The following STX8 variants were observed in gnomAD, a reference collection of about 807,000 sequenced individuals.
The protein encoded by STX8 is syntaxin 8.
In STX8, 23 loss-of-function variants were observed where a neutral mutation model predicts 37.5. That is an observed-to-expected ratio of 0.61 (90% CI 0.44 to 0.87). The LOEUF is 0.87. STX8 is among the 40% of genes least tolerant of loss of function. The pLI is 0.00. For synonymous variants in STX8, 115 were observed against 99.1 expected (o/e 1.16, Z -0.95); for missense variants, 313 against 284.7 (o/e 1.10, Z -0.71).
intron 5 of STX8, among the ~76,000 whole-genome samples, chr17:9,492,632 T>C (rs1906903437): frequency 6.6e-6 from 1 of 152,184 alleles, no homozygotes; most frequent in African/African-American, 2.4e-5. Flanking sequence ...CAGCAACAAA[T>C]TCCCTCTTTT....
intron 7 of STX8, among the ~76,000 whole-genome samples, chr17:9,360,316 C>T (rs975879769): frequency 6.8e-5 from 10 of 147,876 alleles, no homozygotes; most frequent in Admixed American, 4.7e-4. Flanking sequence ...CTCACTGCAA[C>T]CTCTGCCTCC....
chr17:9,310,357 T>G (rs141085391), intron 7 of STX8, among the ~76,000 whole-genome samples: 2,484 of 152,290 alleles, frequency 0.016, 26 homozygotes, highest in Non-Finnish European at 0.024. Flanking sequence ...ACGCGAGGAA[T>G]TGCTAACTCT....
chr17:9,268,284 C>CAA (rs112954356), intron 7 of STX8, among the ~76,000 whole-genome samples: 2 of 69,180 alleles, frequency 2.9e-5, no homozygotes, highest in African/African-American at 5.5e-5. Flanking sequence ...GGAGTAAGAA[C>CAA]AAAAAAAAAA....
intron 6 of STX8, among the ~76,000 whole-genome samples, chr17:9,432,922 GT>G (rs1662774386): frequency 6.6e-6 from 1 of 152,200 alleles, no homozygotes; most frequent in Non-Finnish European, 1.5e-5. Flanking sequence ...CTCAGGTGCA[GT>G]TTAGAACATT....
chr17:9,461,772 A>G (rs562944135), intron 6 of STX8, among the ~76,000 whole-genome samples: 78 of 152,274 alleles, frequency 5.1e-4, no homozygotes, highest in African/African-American at 1.7e-3. Flanking sequence ...ATATAATGAA[A>G]TAATTCTACA....
At chr17:9,340,019 G>A (rs1004267576) in intron 7 of STX8, among the ~76,000 whole-genome samples, 10 of 152,188 alleles carry the variant, frequency 6.6e-5, no homozygotes, top group Admixed American at 3.9e-4. Flanking sequence ...TAAGGCTGAC[G>A]CAACCGCGGG....
intron 1 of STX8, among the ~76,000 whole-genome samples, 187 bp from the exon 2 acceptor site, chr17:9,568,657 T>C (rs1907558986): frequency 6.6e-6 from 1 of 152,134 alleles, no homozygotes; most frequent in Non-Finnish European, 1.5e-5. Flanking sequence ...CCCGCTATCA[T>C]GCCTGGCTAA....
At chr17:9,532,224 G>A (rs569435563) in intron 4 of STX8, among the ~76,000 whole-genome samples, 1 of 151,768 alleles carries the variant, frequency 6.6e-6, no homozygotes, top group African/African-American at 2.4e-5. Context: ...AATCAGTCTT[G>A]TGAGAACATA....
chr17:9,540,110 T>C (rs1906216782), intron 4 of STX8, among the ~76,000 whole-genome samples: 1 of 152,112 alleles, frequency 6.6e-6, no homozygotes, highest in Non-Finnish European at 1.5e-5. Context: ...AATAATACTC[T>C]TACATAGGCA....
chr17:9,468,040 C>T (rs1444798949), intron 6 of STX8, among the ~76,000 whole-genome samples: 2 of 152,148 alleles, frequency 1.3e-5, no homozygotes, highest in African/African-American at 4.8e-5. Flanking sequence ...CACAATATTA[C>T]ACATTTTAAA....
chr17:9,461,957 T>C (rs1332329750), intron 6 of STX8, among the ~76,000 whole-genome samples: 5 of 152,190 alleles, frequency 3.3e-5, no homozygotes, highest in African/African-American at 1.2e-4. Flanking sequence ...CACGCTCCTA[T>C]GAGAATCTAA....
At chr17:9,255,481 T>C (rs919540695) in intron 7 of STX8, among the ~76,000 whole-genome samples, 2 of 151,796 alleles carry the variant, frequency 1.3e-5, no homozygotes, top group African/African-American at 4.8e-5. Flanking sequence ...GAACTGAGAT[T>C]GTGCCACTGC....
chr17:9,293,330 G>T (rs138475420), intron 7 of STX8, among the ~76,000 whole-genome samples: 1 of 152,264 alleles, frequency 6.6e-6, no homozygotes, highest in Non-Finnish European at 1.5e-5. Context: ...CAATGGAGCT[G>T]GATTCCAATC....
chr17:9,388,660 G>A (rs995269911), intron 6 of STX8, among the ~76,000 whole-genome samples: 5 of 151,562 alleles, frequency 3.3e-5, no homozygotes, highest in African/African-American at 9.7e-5. Context: ...AAAATCAGCC[G>A]GGTGTGGTGG....
chr17:9,335,849 T>A (rs10701240), intron 7 of STX8, among the ~76,000 whole-genome samples: 7,951 of 38,342 alleles, frequency 0.21, 818 homozygotes, highest in African/African-American at 0.36. Context: ...ACACACACAC[T>A]CACACTCACG....
chr17:9,285,998 G>A (rs544592116), intron 7 of STX8, among the ~76,000 whole-genome samples: 169 of 152,064 alleles, frequency 1.1e-3, no homozygotes, highest in Non-Finnish European at 1.2e-3. Context: ...TATATGGAGC[G>A]CTTTGGAAAC....
chr17:9,487,706 G>A (rs1339628552), intron 6 of STX8, among the ~76,000 whole-genome samples: 3 of 152,136 alleles, frequency 2.0e-5, no homozygotes, highest in African/African-American at 4.8e-5. Context: ...CCGGGTATGA[G>A]ATGGAGATGA....
intron 6 of STX8, among the ~76,000 whole-genome samples, chr17:9,422,949 G>A (rs376476167): frequency 6.6e-6 from 1 of 152,182 alleles, no homozygotes; most frequent in African/African-American, 2.4e-5. Context: ...CACATACTAC[G>A]TAATACCATG....
chr17:9,407,106 G>A (rs563362614), intron 6 of STX8, among the ~76,000 whole-genome samples: 92 of 152,286 alleles, frequency 6.0e-4, no homozygotes, highest in African/African-American at 2.1e-3. Flanking sequence ...AAGAAATCAC[G>A]AAGGCCTCAG....
Sources: allele counts gnomAD v4.1 joint callset (sites outside exome capture counted in the v4.1 genomes callset), GRCh38; gene constraint gnomAD v4.1.1; transcripts MANE v1.5; gene names NCBI Gene and HGNC (gene_info 2026-07-23, HGNC 2026-07-21).